The following CHEK2 variants were observed in gnomAD, a reference collection of about 807,000 sequenced individuals.
The protein encoded by CHEK2 is checkpoint kinase 2, also known as serine/threonine-protein kinase Chk2.
A neutral mutation model predicts 69.1 loss-of-function variants in CHEK2; 71 were observed. The ratio of observed to expected loss-of-function variants is 1.03; its 90% CI spans 0.85 to 1.25. CHEK2 has a LOEUF of 1.25. Among genes scored for constraint, CHEK2 ranks in the 50% most tolerant of loss-of-function variants. The pLI is 0.00. For missense variants in CHEK2, 664 were observed against 649.6 expected (o/e 1.02, Z -0.24); for synonymous variants, 189 against 226.9 (o/e 0.83, Z 1.50).
At chr22:28,712,987 C>G (rs1341142041) in intron 5 of CHEK2, among the ~76,000 whole-genome samples, 1 of 152,168 alleles carries the variant, frequency 6.6e-6, no homozygotes, top group African/African-American at 2.4e-5. Flanking sequence ...CTACCCTGTC[C>G]CCAGCACTCA....
chr22:28,735,135 C>T (rs930090968), intron 1 of CHEK2, among the ~76,000 whole-genome samples: 2 of 152,014 alleles, frequency 1.3e-5, no homozygotes, highest in African/African-American at 2.4e-5. Flanking sequence ...GGGCCAGGCG[C>T]GGGGGTTCAC....
chr22:28,724,310 A>G (rs1434640490), intron 4 of CHEK2, among the ~76,000 whole-genome samples: 1 of 151,998 alleles, frequency 6.6e-6, no homozygotes, highest in Non-Finnish European at 1.5e-5. Context: ...TGGGAGGCTG[A>G]GGCAAGGAGA....
At chr22:28,710,502 G>A (rs910691853) in intron 6 of CHEK2, among the ~76,000 whole-genome samples, 5 of 152,194 alleles carry the variant, frequency 3.3e-5, no homozygotes, top group African/African-American at 1.2e-4. Flanking sequence ...ACATGAACAA[G>A]AAGGTGTTCA....
intron 1 of CHEK2, chr22:28,737,359 T>C: frequency 2.3e-6 from 1 of 438,554 alleles, no homozygotes; most frequent in South Asian, 1.8e-5. Context: ...CAGCTTCTCT[T>C]TACAATATCC....
At chr22:28,720,249 C>T (rs1479595148) in intron 4 of CHEK2, among the ~76,000 whole-genome samples, 2 of 151,752 alleles carry the variant, frequency 1.3e-5, no homozygotes, top group African/African-American at 4.8e-5. Flanking sequence ...CAGCACCATG[C>T]CCGGCTAAGT....
chr22:28,708,868 G>A, intron 7 of CHEK2: 1 of 280,988 alleles, frequency 3.6e-6, no homozygotes, highest in Non-Finnish European at 7.0e-6. Flanking sequence ...CAGGAGAATG[G>A]CGTGAACCCG....
intron 5 of CHEK2, among the ~76,000 whole-genome samples, chr22:28,712,762 G>T (rs1281702142): frequency 6.6e-6 from 1 of 152,116 alleles, no homozygotes; most frequent in Non-Finnish European, 1.5e-5. Flanking sequence ...GGTTTTGAAG[G>T]GGTGAGTTGA....
At chr22:28,727,543 T>C (rs1342393796) in intron 2 of CHEK2, among the ~76,000 whole-genome samples, 1 of 152,164 alleles carries the variant, frequency 6.6e-6, no homozygotes, top group Non-Finnish European at 1.5e-5. Flanking sequence ...ACTTGGGATA[T>C]TGCACATGGC....
intron 4 of CHEK2, among the ~76,000 whole-genome samples, chr22:28,721,281 G>GCT (rs2053766040): frequency 9.1e-6 from 1 of 109,944 alleles, no homozygotes; most frequent in African/African-American, 3.5e-5. Flanking sequence ...GTTTGTTTGG[G>GCT]TTTTTTTTTT....
At chr22:28,731,447 GA>G (rs1471928597) in intron 2 of CHEK2, among the ~76,000 whole-genome samples, 2 of 151,666 alleles carry the variant, frequency 1.3e-5, no homozygotes, top group East Asian at 3.9e-4. Flanking sequence ...AAAAAATACA[GA>G]ACTTAGCCAC....
rs372452522 is a variant in CHEK2 at position 28,696,141 on chromosome 22, T to C, written c.1096-268A>G. On this transcript the variant is annotated intron_variant, in intron 10 of 14. Coordinates refer to ENST00000404276, the MANE Select transcript of CHEK2 (RefSeq NM_007194.4). ...CTGTAATCTTACAAAAAGCTTATTA[T>C]CTTTATCACAGACACTTCAGGATTC... 2.3e-3 allele frequency among the ~76,000 whole-genome samples: 349 copies of C among 152,300 alleles called. 2 individuals carry two copies. The highest frequency in any genetic ancestry group is 8.0e-3 in the African/African-American group (334 of 41,568).
intron 7 of CHEK2, 132 bp from the exon 8 acceptor site, chr22:28,703,698 G>A: frequency 1.5e-6 from 1 of 664,436 alleles, no homozygotes; most frequent in South Asian, 1.8e-5. Context: ...TCAGAGGCTT[G>A]GAAGTTCAAT....
At chr22:28,695,591 G>C (rs1321843658) in intron 11 of CHEK2, 119 bp downstream of exon 11, 9 of 852,998 alleles carry the variant, frequency 1.1e-5, no homozygotes, top group Admixed American at 2.0e-5. Flanking sequence ...AGGAGGCAGA[G>C]GCTACAGTTA....
chr22:28,715,905 G>A (rs1429857456), intron 5 of CHEK2, among the ~76,000 whole-genome samples: 2 of 137,512 alleles, frequency 1.5e-5, no homozygotes, highest in South Asian at 2.3e-4. Flanking sequence ...TCACTCTATC[G>A]CCCAGGCTGG....
chr22:28,714,442 C>G (rs990447408), intron 5 of CHEK2, among the ~76,000 whole-genome samples: 3 of 152,144 alleles, frequency 2.0e-5, no homozygotes, highest in Admixed American at 2.0e-4. Flanking sequence ...CTCTGTCGCC[C>G]AGGCTGCAGT....
rs2145846573 is a variant in CHEK2 at position 28,700,029 on chromosome 22, C to G, written c.909-92G>C. The G allele has an allele frequency of 1.3e-5, 11 of 817,038 alleles. No individual in the cohort carries two copies. In the South Asian group the frequency reaches 1.6e-4, roughly 12 times the overall value. 50.6% of individuals were successfully genotyped at this position (817,038 alleles called of 1,614,324 possible). On this transcript the variant is annotated intron_variant, in intron 8 of 14. Transcript: ENST00000404276. The stretch of plus-strand genomic sequence containing the variant: ...AAACAACAAAACAAATTCATTAAGA[C>G]AAGCAAACAGTTGACATTTTTATTC...
chr22:28,711,760 C>G (rs1166566434), intron 6 of CHEK2, 149 bp downstream of exon 6: 2 of 655,440 alleles, frequency 3.1e-6, no homozygotes, highest in Non-Finnish European at 5.4e-6. Context: ...CAAAGATGCC[C>G]CAAAATTTTC....
At chr22:28,709,656 GC>G (rs1413082339) in intron 7 of CHEK2, among the ~76,000 whole-genome samples, 1 of 151,402 alleles carries the variant, frequency 6.6e-6, no homozygotes, top group African/African-American at 2.4e-5. Context: ...TCACTCTGTC[GC>G]CCAGGCTGGA....
intron 1 of CHEK2, 108 bp from the exon 2 acceptor site, chr22:28,734,835 A>AC: frequency 2.2e-6 from 2 of 903,024 alleles, no homozygotes; most frequent in Non-Finnish European, 3.4e-6. Flanking sequence ...GAAAAAAAAA[A>AC]AAACAGGGCA....
Sources: gnomAD v4.1 joint callset for allele counts (sites outside exome capture counted in the v4.1 genomes callset) on GRCh38, gnomAD v4.1.1 for gene constraint, MANE v1.5 for transcripts, NCBI Gene and HGNC (gene_info 2026-07-23, HGNC 2026-07-21) for gene names.